The following DHX35 variants were observed in gnomAD, a reference collection of about 807,000 sequenced individuals.
The protein encoded by DHX35 is probable ATP-dependent RNA helicase DHX35.
Under a neutral mutation model 99.6 loss-of-function variants are expected in DHX35, and 84 were observed. That is an observed-to-expected ratio of 0.84 (90% CI 0.71 to 1.01). DHX35 has a LOEUF of 1.01. Among genes scored for constraint, DHX35 ranks in the 50% least tolerant of loss-of-function variants. The pLI is 0.00. For synonymous variants in DHX35, 331 were observed against 316.2 expected, an observed-to-expected ratio of 1.05 and a Z score of -0.50; for missense variants, 852 against 888.5, an observed-to-expected ratio of 0.96 and a Z score of 0.52.
intron 17 of DHX35, among the ~76,000 whole-genome samples, chr20:39,024,692 A>G (rs1025023217): frequency 1.3e-5 from 2 of 152,260 alleles, no homozygotes; most frequent in Non-Finnish European, 2.9e-5. Flanking sequence ...AACTTACAAT[A>G]GAATTTCAGA....
At chr20:39,010,796 A>G (rs913552977) in intron 13 of DHX35, among the ~76,000 whole-genome samples, 49 of 152,124 alleles carry the variant, frequency 3.2e-4, no homozygotes, top group African/African-American at 1.1e-3. Flanking sequence ...CAGGAGTACC[A>G]TGATTGGGGG....
intron 18 of DHX35, among the ~76,000 whole-genome samples, chr20:39,026,933 A>G (rs1318579626): frequency 6.6e-6 from 1 of 152,160 alleles, no homozygotes; most frequent in Non-Finnish European, 1.5e-5. Flanking sequence ...CCTGTGTTTC[A>G]TTATCAGACC....
rs1160797749 is a variant in DHX35, at chr20:38,962,542, G to C, written c.40+135G>C. 19 of 1,116,298 alleles carry C rather than the reference G, an allele frequency of 1.7e-5. No individual in the cohort carries two copies. In the Admixed American group the frequency reaches 2.2e-4, roughly 13 times the overall value. The allele number at this position is 1,116,298 out of a possible 1,614,324, so 69.1% of individuals were successfully genotyped here. On this transcript the variant is annotated intron_variant, in intron 1 of 21. Transcript: ENST00000252011. ...AGCTGGGCGCTGCCGCCTCTGTGCG[G>C]GGGGAGCTCTGGCTCAGGCTCCCCA... is the stretch of plus-strand genomic sequence containing the variant.
chr20:39,030,743 G>C lies in DHX35; in HGVS notation c.1923G>C (p.Ala641=), dbSNP rs780228128. The C allele has an allele frequency of 1.2e-6, 2 of 1,614,112 alleles. No homozygotes were observed. The highest frequency in any genetic ancestry group is 1.7e-5 in the Admixed American group (1 of 60,024). ...ACCATGAGCTGCACATACACCCTGC[G>C]TCAGTCCTCTATGCAGAGAAGCCGC... The part of the protein sequence containing the change: ...RDDHELHIHP[A]SVLYAEKPPR... The change falls in exon 20 of 22, where the codon GCG becomes GCC. Residue 641 remains alanine, a synonymous_variant. Transcript: ENST00000252011.
intron 1 of DHX35, among the ~76,000 whole-genome samples, chr20:38,963,574 C>A (rs745869568): frequency 1.3e-5 from 2 of 152,202 alleles, no homozygotes; most frequent in African/African-American, 4.8e-5. Context: ...GTAATGAATA[C>A]TTTTAATTTA....
chr20:38,980,598 T>A (rs1008154748), intron 3 of DHX35, among the ~76,000 whole-genome samples: 2 of 152,056 alleles, frequency 1.3e-5, no homozygotes, highest in Non-Finnish European at 2.9e-5. Flanking sequence ...TTATAGTTTT[T>A]ATAGCAAAAA....
intron 2 of DHX35, among the ~76,000 whole-genome samples, chr20:38,970,297 C>T (rs768243375): frequency 1.3e-5 from 2 of 152,132 alleles, no homozygotes; most frequent in Non-Finnish European, 2.9e-5. Context: ...GTTCTTTCTC[C>T]AAACAGATAG....
chr20:39,011,312 T>G (rs1210749366), intron 13 of DHX35, among the ~76,000 whole-genome samples: 1 of 152,080 alleles, frequency 6.6e-6, no homozygotes, highest in African/African-American at 2.4e-5. Flanking sequence ...TATTTTTGCC[T>G]TTATGATTTC....
intron 11 of DHX35, 98 bp downstream of exon 11, chr20:39,004,005 T>A: frequency 7.4e-7 from 1 of 1,344,196 alleles, no homozygotes; most frequent in East Asian, 2.3e-5. Context: ...AAGGCAGACT[T>A]CTAGGTCCAT....
chr20:39,000,492 G>T (rs1032033963), intron 8 of DHX35, among the ~76,000 whole-genome samples: 2 of 152,212 alleles, frequency 1.3e-5, no homozygotes, highest in African/African-American at 4.8e-5. Context: ...GGAGTACTGT[G>T]TGGAATTCTG....
intron 3 of DHX35, chr20:38,978,068 C>T (rs954712699): frequency 1.2e-5 from 9 of 754,118 alleles, no homozygotes; most frequent in East Asian, 2.5e-5. Context: ...TCTTCCTCTA[C>T]AGCTACTAAG....
At chr20:39,001,549 C>T (rs560730847) in intron 8 of DHX35, among the ~76,000 whole-genome samples, 181 bp from the exon 9 acceptor site, 1 of 152,320 alleles carries the variant, frequency 6.6e-6, no homozygotes, top group East Asian at 1.9e-4. Flanking sequence ...TGATTCCCCA[C>T]AATTACAGTT....
intron 10 of DHX35, 32 bp from the exon 11 acceptor site, chr20:39,003,717 G>T: frequency 6.3e-7 from 1 of 1,588,824 alleles, no homozygotes; most frequent in Non-Finnish European, 8.6e-7. Flanking sequence ...AATTGATCTC[G>T]GTTTCTTTGG....
chr20:39,001,517 T>TA (rs2086519919), intron 8 of DHX35, among the ~76,000 whole-genome samples: 1 of 152,202 alleles, frequency 6.6e-6, no homozygotes, highest in Non-Finnish European at 1.5e-5. Flanking sequence ...AAAACTTTAG[T>TA]AAAGACACTG....
At chr20:38,991,927 C>T (rs186843231) in intron 6 of DHX35, among the ~76,000 whole-genome samples, 18 of 152,278 alleles carry the variant, frequency 1.2e-4, no homozygotes, top group African/African-American at 4.1e-4. Context: ...CTGGTGTTCT[C>T]GAGGAGAGTG....
chr20:38,967,762 C>T (rs796903173), intron 1 of DHX35, among the ~76,000 whole-genome samples: 38 of 152,108 alleles, frequency 2.5e-4, no homozygotes, highest in African/African-American at 8.4e-4. Flanking sequence ...CCCAGCATGG[C>T]GGTTACTGAG....
chr20:39,012,485 G>A (rs1283239032), intron 13 of DHX35, among the ~76,000 whole-genome samples: 1 of 151,516 alleles, frequency 6.6e-6, no homozygotes, highest in East Asian at 1.9e-4. Flanking sequence ...TTCTCTAGGA[G>A]AGAGGTGACT....
intron 12 of DHX35, 104 bp downstream of exon 12, chr20:39,006,460 C>T: frequency 8.0e-7 from 1 of 1,247,048 alleles, no homozygotes; most frequent in Non-Finnish European, 1.1e-6. Context: ...ACATAAAATA[C>T]AGGCCTTCCT....
intron 7 of DHX35, among the ~76,000 whole-genome samples, chr20:38,994,415 C>G (rs775322825): frequency 1.3e-5 from 2 of 150,022 alleles, no homozygotes; most frequent in Non-Finnish European, 3.0e-5. Flanking sequence ...TGCCATATTT[C>G]TGTCTTGGTG....
Sources: allele counts gnomAD v4.1 joint callset (sites outside exome capture counted in the v4.1 genomes callset), GRCh38; gene constraint gnomAD v4.1.1; transcripts MANE v1.5; gene names NCBI Gene and HGNC (gene_info 2026-07-23, HGNC 2026-07-21).